The following DIAPH2 variants were observed in gnomAD, a reference collection of about 807,000 sequenced individuals.
The protein encoded by DIAPH2 is protein diaphanous homolog 2.
A neutral mutation model predicts 92.7 loss-of-function variants in DIAPH2; 35 were observed. That is an observed-to-expected ratio of 0.38 (90% CI 0.29 to 0.50). DIAPH2 has a LOEUF of 0.50. DIAPH2 is among the 20% of genes least tolerant of loss of function. The pLI, the probability that DIAPH2 is intolerant of heterozygous loss-of-function variation, is 0.94. For missense variants in DIAPH2, 701 were observed against 819.5 expected (o/e 0.86, Z 1.77); for synonymous variants, 301 against 280.4 (o/e 1.07, Z -0.73).
intron 26 of DIAPH2, 99 bp from the exon 27 acceptor site, chrX:97,599,154 T>G (rs1265288590): frequency 7.9e-6 from 4 of 508,159 alleles, no homozygotes; most frequent in Non-Finnish European, 1.2e-5. Flanking sequence ...TGAAGTGATT[T>G]TTCAGGACTA....
intron 24 of DIAPH2, among the ~76,000 whole-genome samples, chrX:97,382,173 T>C (rs1252304229): frequency 1.8e-5 from 2 of 112,606 alleles, no homozygotes; most frequent in East Asian, 2.8e-4. Flanking sequence ...TTTCACATTG[T>C]TTTTTCCCTT....
At chrX:97,059,494 C>T (rs764177041) in intron 17 of DIAPH2, among the ~76,000 whole-genome samples, 2 of 110,757 alleles carry the variant, frequency 1.8e-5, no homozygotes, top group East Asian at 2.8e-4. Flanking sequence ...GCCGACCGCC[C>T]GCCATGCAGT....
chrX:97,524,710 T>C (rs2071013335), intron 26 of DIAPH2, among the ~76,000 whole-genome samples: 1 of 112,349 alleles, frequency 8.9e-6, no homozygotes. Context: ...TCCTGATTTT[T>C]CTGATACCTT....
chrX:97,478,533 A>G (rs1447294938), intron 26 of DIAPH2, among the ~76,000 whole-genome samples: 1 of 112,147 alleles, frequency 8.9e-6, no homozygotes, highest in Non-Finnish European at 1.9e-5. Context: ...AAATATAATT[A>G]TGTAAAGAAT....
At chrX:96,813,388 CTG>C (rs766160857) in intron 4 of DIAPH2, among the ~76,000 whole-genome samples, 1 of 109,646 alleles carries the variant, frequency 9.1e-6, no homozygotes, top group Non-Finnish European at 1.9e-5. Flanking sequence ...AGATCTTCCT[CTG>C]TCCCTTTATT....
At chrX:97,005,093 A>G (rs1226034236) in intron 17 of DIAPH2, among the ~76,000 whole-genome samples, 1 of 111,903 alleles carries the variant, frequency 8.9e-6, no homozygotes, top group Non-Finnish European at 1.9e-5. Context: ...TTGATATGTT[A>G]CATCACATTG....
chrX:97,024,204 G>A (rs2066316283), intron 17 of DIAPH2, among the ~76,000 whole-genome samples: 1 of 111,777 alleles, frequency 8.9e-6, no homozygotes, highest in African/African-American at 3.3e-5. Flanking sequence ...TTACATTTAA[G>A]GTATTTTACC....
intron 24 of DIAPH2, among the ~76,000 whole-genome samples, chrX:97,371,411 G>A (rs190393814): frequency 0.021 from 2,339 of 111,279 alleles, 61 homozygotes; most frequent in African/African-American, 0.073. Flanking sequence ...CCATGAAAAA[G>A]TTTTAAGGAA....
rs969774446 is a variant in DIAPH2 at position 97,276,148 on chromosome X, G to A, written c.2844+28309G>A. Among the ~76,000 whole-genome samples, 77 of 110,331 alleles carry A rather than the reference G, an allele frequency of 7.0e-4. 1 individual carries two copies. The highest frequency in any genetic ancestry group is 1.0e-3 in the Non-Finnish European group (53 of 52,447). ...GAAAACCAGTCAGGCGTGGCGGCGC[G>A]TGCCTGCAGTCGCAGGCACTCGGCA... On this transcript the variant is annotated intron_variant, in intron 23 of 26. Transcript: ENST00000324765.
chrX:97,016,702 C>T (rs1486464729), intron 17 of DIAPH2, among the ~76,000 whole-genome samples: 1 of 112,214 alleles, frequency 8.9e-6, no homozygotes, highest in Admixed American at 9.5e-5. Context: ...AAAGGAGCTG[C>T]CCAATTCTTA....
At chrX:97,429,835 A>G in intron 26 of DIAPH2, 90 bp downstream of exon 26, 1 of 876,600 alleles carries the variant, frequency 1.1e-6, no homozygotes, top group Non-Finnish European at 1.5e-6. Flanking sequence ...AAAAATAAAA[A>G]TACTTCCTCA....
chrX:96,947,375 A>G (rs978013662), intron 14 of DIAPH2, among the ~76,000 whole-genome samples: 2 of 111,320 alleles, frequency 1.8e-5, no homozygotes, highest in Admixed American at 1.9e-4. Flanking sequence ...TAACACGGAT[A>G]GTAGTAAAGG....
intron 5 of DIAPH2, among the ~76,000 whole-genome samples, chrX:96,891,482 A>C (rs945348242): frequency 6.3e-5 from 7 of 111,830 alleles, no homozygotes; most frequent in Non-Finnish European, 1.1e-4. Context: ...CTCTTTACTA[A>C]AGTTTATGAA....
In DIAPH2 at chrX:97,051,134, A is replaced by G. The variant is rs1486040675; in HGVS notation, c.2051-21807A>G. On this transcript the variant is annotated intron_variant, in intron 17 of 26. Transcript: ENST00000324765. ...CCTTTCTGGACATCTACTATCATTA[A>G]GGTGATATCAAAGACTGAATAAAAT... Among the ~76,000 whole-genome samples the G allele has an allele frequency of 4.5e-5, 5 of 112,071 alleles. No individual in the cohort carries two copies. In the East Asian group the frequency reaches 1.4e-3, roughly 31 times the overall value.
At chrX:97,371,893 C>T (rs1444715032) in intron 24 of DIAPH2, among the ~76,000 whole-genome samples, 1 of 111,877 alleles carries the variant, frequency 8.9e-6, no homozygotes, top group Non-Finnish European at 1.9e-5. Flanking sequence ...TCATTCTGTT[C>T]CTTTGGTTCA....
At chrX:96,779,591 A>G (rs752809881) in intron 4 of DIAPH2, among the ~76,000 whole-genome samples, 1 of 112,393 alleles carries the variant, frequency 8.9e-6, no homozygotes, top group Non-Finnish European at 1.9e-5. Flanking sequence ...ATCTTATCAG[A>G]TACAAGTCTT....
chrX:97,525,410 G>A (rs767826226), intron 26 of DIAPH2, among the ~76,000 whole-genome samples: 3 of 112,081 alleles, frequency 2.7e-5, no homozygotes, highest in Non-Finnish European at 5.6e-5. Flanking sequence ...CCCCATCACC[G>A]GGGGGCTATG....
chrX:97,290,010 C>T (rs1470040207), intron 23 of DIAPH2, among the ~76,000 whole-genome samples: 3 of 107,753 alleles, frequency 2.8e-5, no homozygotes, highest in Non-Finnish European at 5.7e-5. Context: ...CCGCATCCAG[C>T]CAGCAATCCA....
intron 19 of DIAPH2, among the ~76,000 whole-genome samples, chrX:97,095,217 C>T (rs1422153053): frequency 2.2e-5 from 2 of 91,931 alleles, no homozygotes; most frequent in Non-Finnish European, 4.1e-5. Flanking sequence ...CCCGGGTTCA[C>T]GCCATTCTCC....
Sources: gnomAD v4.1 joint callset for allele counts (sites outside exome capture counted in the v4.1 genomes callset) on GRCh38, gnomAD v4.1.1 for gene constraint, MANE v1.5 for transcripts, NCBI Gene and HGNC (gene_info 2026-07-23, HGNC 2026-07-21) for gene names.